C7orf78: variants seen among roughly 807,000 people sequenced by gnomAD.
C7orf78 encodes putative uncharacterized protein C7orf78.
chr7:12,533,389 C>G, the C7orf78 span, among the ~76,000 whole-genome samples: 4 of 151,660 alleles, frequency 2.6e-5, no homozygotes, highest in African/African-American at 9.7e-5. Flanking sequence ...TTAGTAGAGA[C>G]AGGGGTTTGC....
chr7:12,541,460 G>C, the C7orf78 span: 2 of 152,160 alleles, frequency 1.3e-5, no homozygotes, highest in African/African-American at 4.8e-5. Context: ...TAGAGAACAA[G>C]GTAGCAACCA....
chr7:12,519,906 C>G, the C7orf78 span, among the ~76,000 whole-genome samples: 1 of 152,220 alleles, frequency 6.6e-6, no homozygotes, highest in Non-Finnish European at 1.5e-5. Context: ...TAGGCTCTCA[C>G]AGTGGTGCCA....
At chr7:12,488,182 T>A in the C7orf78 span, among the ~76,000 whole-genome samples, 1 of 152,076 alleles carries the variant, frequency 6.6e-6, no homozygotes, top group Admixed American at 6.6e-5. Flanking sequence ...AAAAGAAATA[T>A]GTTATTTTCA....
the C7orf78 span, among the ~76,000 whole-genome samples, chr7:12,503,311 A>G: frequency 6.6e-6 from 1 of 152,120 alleles, no homozygotes; most frequent in African/African-American, 2.4e-5. Context: ...TGGAAACTTG[A>G]ATTGTGGATA....
chr7:12,523,226 A>G, the C7orf78 span: 4 of 388,844 alleles, frequency 1.0e-5, no homozygotes, highest in Non-Finnish European at 1.8e-5. Context: ...TAAGGAAGAA[A>G]AAAGGAGGAA....
the C7orf78 span, among the ~76,000 whole-genome samples, chr7:12,503,707 C>T: frequency 3.3e-5 from 5 of 151,750 alleles, no homozygotes; most frequent in African/African-American, 9.7e-5. Context: ...GTGCTGCACC[C>T]ATTATATTTG....
At chr7:12,497,656 G>T in the C7orf78 span, among the ~76,000 whole-genome samples, 1 of 152,112 alleles carries the variant, frequency 6.6e-6, no homozygotes, top group South Asian at 2.1e-4. Context: ...GAGGCTGGGG[G>T]AGGGGCGCCC....
chr7:12,486,130 C>T, the C7orf78 span, among the ~76,000 whole-genome samples: 2 of 152,058 alleles, frequency 1.3e-5, no homozygotes, highest in African/African-American at 4.8e-5. Context: ...TTAAAGTGGC[C>T]TATACAAGTT....
chr7:12,525,596 T>C, the C7orf78 span, among the ~76,000 whole-genome samples: 3 of 152,248 alleles, frequency 2.0e-5, no homozygotes, highest in African/African-American at 7.2e-5. Context: ...ATTGAAGTAC[T>C]CCTCTCTACC....
chr7:12,521,760 A>C, the C7orf78 span, among the ~76,000 whole-genome samples: 9 of 151,310 alleles, frequency 5.9e-5, no homozygotes, highest in African/African-American at 2.2e-4. Context: ...TCCTGTTCAA[A>C]ATATTTTATT....
the C7orf78 span, chr7:12,530,557 T>C: frequency 6.6e-6 from 1 of 152,264 alleles, no homozygotes; most frequent in African/African-American, 2.4e-5. Flanking sequence ...ATGTCCCACC[T>C]TCTCACCTTC....
chr7:12,516,858 C>A, the C7orf78 span, among the ~76,000 whole-genome samples: 1 of 152,118 alleles, frequency 6.6e-6, no homozygotes, highest in African/African-American at 2.4e-5. Flanking sequence ...ACCTGTACCC[C>A]CATTGTATCA....
the C7orf78 span, among the ~76,000 whole-genome samples, chr7:12,537,218 C>A: frequency 6.6e-6 from 1 of 152,360 alleles, no homozygotes; most frequent in East Asian, 1.9e-4. Flanking sequence ...GCTGGAGAGG[C>A]CTCACAGTCA....
the C7orf78 span, among the ~76,000 whole-genome samples, chr7:12,486,571 G>A: frequency 0.84 from 127,703 of 151,900 alleles, 54,085 homozygotes; most frequent in African/African-American, 0.95. Context: ...GGAAAAGATT[G>A]AAGCCATTAA....
chr7:12,500,569 G>T, the C7orf78 span, among the ~76,000 whole-genome samples: 161 of 150,838 alleles, frequency 1.1e-3, 1 homozygote, highest in African/African-American at 3.8e-3. Flanking sequence ...AACAGGATCT[G>T]AAATTGTGGC....
the C7orf78 span, among the ~76,000 whole-genome samples, chr7:12,492,405 G>A: frequency 1.3e-5 from 2 of 152,142 alleles, no homozygotes; most frequent in African/African-American, 4.8e-5. Flanking sequence ...TGGCTTTAAG[G>A]ACATTTAAGT....
the C7orf78 span, among the ~76,000 whole-genome samples, chr7:12,510,659 T>A: frequency 6.6e-6 from 1 of 152,212 alleles, no homozygotes; most frequent in Non-Finnish European, 1.5e-5. Flanking sequence ...TAGAGCAATT[T>A]TTCATATATC....
the C7orf78 span, chr7:12,525,948 A>G: frequency 5.1e-6 from 2 of 395,682 alleles, no homozygotes; most frequent in Non-Finnish European, 8.9e-6. Context: ...AAAACTCTGC[A>G]TTCCATATTA....
the C7orf78 span, among the ~76,000 whole-genome samples, chr7:12,515,510 G>A: frequency 6.6e-6 from 1 of 152,288 alleles, no homozygotes; most frequent in South Asian, 2.1e-4. Flanking sequence ...AGAGTGGGGT[G>A]TTGCTGAAAA....
Sources: allele counts gnomAD v4.1 joint callset (sites outside exome capture counted in the v4.1 genomes callset), GRCh38; gene constraint gnomAD v4.1.1; transcripts MANE v1.5; gene names NCBI Gene and HGNC (gene_info 2026-07-23, HGNC 2026-07-21).